AP3B1: variants seen among roughly 807,000 people sequenced by gnomAD.
The protein encoded by AP3B1 is AP-3 complex subunit beta-1.
AP3B1 carries 61 observed loss-of-function variants against 132.5 expected under a neutral mutation model. The observed-to-expected ratio is 0.46, with a 90% confidence interval of 0.37 to 0.57. AP3B1 has a LOEUF of 0.57. Ranked by LOEUF, AP3B1 falls within the 20% of genes least tolerant of loss-of-function variation. The probability of loss-of-function intolerance (pLI) is 0.00; values close to 1 mark genes in which losing one functional copy is unlikely to be tolerated. For missense variants in AP3B1, 1,120 were observed against 1,289.4 expected, an observed-to-expected ratio of 0.87 and a Z score of 2.01; for synonymous variants, 388 against 438.3, an observed-to-expected ratio of 0.89 and a Z score of 1.43.
At chr5:78,266,104 T>C (rs1374194749) in intron 2 of AP3B1, among the ~76,000 whole-genome samples, 3 of 140,946 alleles carry the variant, frequency 2.1e-5, no homozygotes, top group African/African-American at 7.3e-5. Flanking sequence ...GTTTGTAATT[T>C]ACAAGTTATT....
intron 2 of AP3B1, among the ~76,000 whole-genome samples, chr5:78,263,685 T>C (rs1051837648): frequency 3.3e-5 from 5 of 152,218 alleles, no homozygotes; most frequent in Non-Finnish European, 7.3e-5. Flanking sequence ...TCCTAGTTTG[T>C]TGAGTACTTT....
chr5:78,097,737 G>A (rs1366219015), intron 21 of AP3B1, among the ~76,000 whole-genome samples: 1 of 152,052 alleles, frequency 6.6e-6, no homozygotes, highest in African/African-American at 2.4e-5. Flanking sequence ...ACTGGGAAGT[G>A]AGGAGCCCCT....
intron 6 of AP3B1, among the ~76,000 whole-genome samples, chr5:78,221,345 G>A (rs938246372): frequency 2.0e-5 from 3 of 151,982 alleles, no homozygotes; most frequent in Non-Finnish European, 2.9e-5. Context: ...AAAAATTACC[G>A]ACAAAGAAAT....
chr5:78,189,107 G>A (rs1744720940), intron 7 of AP3B1, among the ~76,000 whole-genome samples: 1 of 152,100 alleles, frequency 6.6e-6, no homozygotes, highest in South Asian at 2.1e-4. Context: ...TTAGGGAAAA[G>A]AGCTAATGGA....
intron 22 of AP3B1, among the ~76,000 whole-genome samples, chr5:78,040,236 T>C (rs1386210766): frequency 6.6e-6 from 1 of 152,162 alleles, no homozygotes; most frequent in Non-Finnish European, 1.5e-5. Flanking sequence ...GATTTTGATA[T>C]ATTGACTCCA....
intron 24 of AP3B1, among the ~76,000 whole-genome samples, chr5:78,033,776 C>A (rs539104134): frequency 6.6e-6 from 1 of 151,886 alleles, no homozygotes; most frequent in Non-Finnish European, 1.5e-5. Flanking sequence ...ACAACAAAAT[C>A]CAATCCTAAA....
intron 23 of AP3B1, among the ~76,000 whole-genome samples, chr5:78,035,139 A>G (rs1323248829): frequency 1.3e-5 from 2 of 152,004 alleles, no homozygotes; most frequent in Admixed American, 1.3e-4. Context: ...AACTATACCA[A>G]TATACAATAC....
chr5:78,105,559 A>G (rs3836858), intron 20 of AP3B1, among the ~76,000 whole-genome samples: 1 of 150,202 alleles, frequency 6.7e-6, no homozygotes, highest in African/African-American at 2.5e-5. Flanking sequence ...ATAAAAAAAA[A>G]TTTCCCCTTT....
chr5:78,206,619 A>G (rs542052665), intron 7 of AP3B1, among the ~76,000 whole-genome samples: 2 of 152,328 alleles, frequency 1.3e-5, no homozygotes, highest in African/African-American at 4.8e-5. Context: ...AAGAACACGA[A>G]ATCAATCAAA....
intron 22 of AP3B1, among the ~76,000 whole-genome samples, chr5:78,081,287 A>T (rs1318147755): frequency 6.7e-6 from 1 of 149,208 alleles, no homozygotes; most frequent in Admixed American, 6.7e-5. Context: ...CCTATTTTTC[A>T]CAGCATTACT....
intron 21 of AP3B1, among the ~76,000 whole-genome samples, chr5:78,096,812 C>T (rs1052133062): frequency 6.6e-6 from 1 of 151,844 alleles, no homozygotes; most frequent in South Asian, 2.1e-4. Flanking sequence ...CGTCTCCGCC[C>T]GGCAGCCGCC....
intron 22 of AP3B1, among the ~76,000 whole-genome samples, chr5:78,048,128 T>TTACTTTTTTCTTTTGGATTTCCTTTATGA (rs1328024703): frequency 6.6e-6 from 1 of 152,154 alleles, no homozygotes; most frequent in Non-Finnish European, 1.5e-5. Context: ...AAAGTAGAGG[T>TTACTTTTTTCTTTTGGATTTCCTTTATGA]TACTTTTTTC....
At position 78,110,415 on chromosome 5, in the gene AP3B1, A is replaced by C. The variant is rs554327605; in HGVS notation, c.2250-61T>G. ...AACTCCTTTATATAAGCAGTTTATAAAAAAATTGTTTTTAAATTCCAGAAT... is the reference window on the plus strand; with the variant it reads ...AACTCCTTTATATAAGCAGTTTATACAAAAATTGTTTTTAAATTCCAGAAT... On this transcript the variant is annotated intron_variant, in intron 19 of 26. Transcript: ENST00000255194. 274 of 1,350,232 alleles carry C rather than the reference A, an allele frequency of 2.0e-4. 1 individual carries two copies. The African/African-American group carries it at 3.6e-3, about 18-fold the overall frequency. 83.6% of individuals were successfully genotyped at this position (1,350,232 alleles called of 1,614,324 possible).
chr5:78,222,641 A>C (rs1395125924), intron 6 of AP3B1: 2 of 152,216 alleles, frequency 1.3e-5, no homozygotes, highest in African/African-American at 4.8e-5. Context: ...GCAAAAAAAA[A>C]CCCAAGGAGG....
chr5:78,108,066 T>C (rs893916584), intron 20 of AP3B1, among the ~76,000 whole-genome samples: 2 of 152,202 alleles, frequency 1.3e-5, no homozygotes, highest in Admixed American at 6.5e-5. Context: ...CCATAAAAAT[T>C]AACTGTTTTG....
At chr5:78,189,761 T>C (rs531747062) in intron 7 of AP3B1, among the ~76,000 whole-genome samples, 98 of 151,960 alleles carry the variant, frequency 6.4e-4, no homozygotes, top group African/African-American at 2.3e-3. Flanking sequence ...TCCAAGCTAC[T>C]TGGGAGGCTG....
intron 1 of AP3B1, among the ~76,000 whole-genome samples, chr5:78,288,944 G>GA (rs35914690): frequency 0.24 from 33,170 of 138,748 alleles, 4,288 homozygotes; most frequent in Middle Eastern, 0.31. Context: ...AATGTTAAAT[G>GA]AAAAAAAAAA....
At chr5:78,075,555 A>AAAGGAAT (rs1215893714) in intron 22 of AP3B1, among the ~76,000 whole-genome samples, 2 of 152,216 alleles carry the variant, frequency 1.3e-5, no homozygotes, top group Non-Finnish European at 2.9e-5. Flanking sequence ...CAATAGCAAA[A>AAAGGAAT]ATCCGTAAGA....
intron 11 of AP3B1, among the ~76,000 whole-genome samples, chr5:78,174,861 T>C (rs985647919): frequency 2.6e-5 from 4 of 152,242 alleles, no homozygotes; most frequent in African/African-American, 9.6e-5. Context: ...CTTGCTGAGC[T>C]GTGGTGGGCT....
Sources: allele counts gnomAD v4.1 joint callset (sites outside exome capture counted in the v4.1 genomes callset), GRCh38; gene constraint gnomAD v4.1.1; transcripts MANE v1.5; gene names NCBI Gene and HGNC (gene_info 2026-07-23, HGNC 2026-07-21).